Variants in KBTBD12 observed in about 807,000 individuals in gnomAD.
KBTBD12 encodes the protein kelch repeat and BTB domain containing 12.
A neutral mutation model predicts 58.7 loss-of-function variants in KBTBD12; 53 were observed. The observed-to-expected ratio is 0.90, with a 90% CI of 0.72 to 1.14. The LOEUF (loss-of-function observed/expected upper bound fraction) is 1.14. Among genes scored for constraint, KBTBD12 ranks in the 50% most tolerant of loss-of-function variants. The pLI, the probability that KBTBD12 is intolerant of heterozygous loss-of-function variation, is 0.00. For missense variants in KBTBD12, 704 were observed against 751.3 expected (o/e 0.94, Z 0.74); for synonymous variants, 236 against 259.8 (o/e 0.91, Z 0.88).
chr3:127,966,882 A>C (rs570924333), intron 5 of KBTBD12, among the ~76,000 whole-genome samples: 1 of 152,378 alleles, frequency 6.6e-6, no homozygotes, highest in South Asian at 2.1e-4. Context: ...ATAGTTTTAC[A>C]CAAAGTGCCA....
chr3:127,986,794 T>A lies in KBTBD12; in HGVS notation c.*2516T>A, dbSNP rs1360126602. The A allele has an allele frequency of 1.3e-5, 2 of 152,310 alleles. No individual in the cohort carries two copies. The highest frequency in any genetic ancestry group is 2.4e-5 in the African/African-American group (1 of 41,414). 9.4% of individuals were successfully genotyped at this position (152,310 alleles called of 1,614,324 possible). On this transcript the variant is annotated 3_prime_UTR_variant, in exon 6 of 6. Coordinates refer to ENST00000405109, the MANE Select transcript of KBTBD12 (RefSeq NM_207335.4). Reference sequence around the variant, plus strand: ...GAGCCCCTGCACCTGGCTGAGATGGTTCTTAATTTCCCATACCCTGTTGCT... The same window carrying A: ...GAGCCCCTGCACCTGGCTGAGATGGATCTTAATTTCCCATACCCTGTTGCT...
chr3:127,985,039 ACT>A lies in KBTBD12; in HGVS notation c.*764_*765del, dbSNP rs1452598134. ...TGGCCAAGAATCCTGCCCTGGGCTG[ACT>A]CTGTCCGGGACAGGGATGTGGGGTT... On this transcript the variant is annotated 3_prime_UTR_variant, in exon 6 of 6. Coordinates refer to ENST00000405109, the MANE Select transcript of KBTBD12 (RefSeq NM_207335.4). The A allele has an allele frequency of 6.6e-6, 1 of 152,308 alleles. No individual in the cohort carries two copies. Among genetic ancestry groups the A allele is most frequent in the East Asian group, 1.9e-4 (1 of 5,194 alleles). The allele number at this position is 152,308 out of a possible 1,614,324, so 9.4% of individuals were successfully genotyped here.
At chr3:127,964,694 T>C (rs1475985420) in intron 5 of KBTBD12, among the ~76,000 whole-genome samples, 3 of 151,442 alleles carry the variant, frequency 2.0e-5, no homozygotes, top group African/African-American at 7.3e-5. Flanking sequence ...AATGATATAC[T>C]GTCTGAAATT....
intron 4 of KBTBD12, among the ~76,000 whole-genome samples, chr3:127,946,889 G>A (rs1399359352): frequency 4.6e-5 from 7 of 151,958 alleles, no homozygotes; most frequent in Admixed American, 1.3e-4. Context: ...CCTGTCTTCC[G>A]TTGTATTCAG....
intron 4 of KBTBD12, among the ~76,000 whole-genome samples, chr3:127,950,097 C>A (rs994607891): frequency 2.0e-5 from 3 of 152,082 alleles, no homozygotes; most frequent in African/African-American, 7.2e-5. Context: ...ACTTTTATTA[C>A]TTTTTCAGTT....
At position 127,928,045 on chromosome 3, in the gene KBTBD12, T is replaced by G; in HGVS notation, c.1341+11T>G. 6.2e-7 allele frequency: 1 copy of G among 1,609,548 alleles called. No individual in the cohort carries two copies. The highest frequency in any genetic ancestry group is 8.5e-7 in the Non-Finnish European group (1 of 1,176,288). ...GGCTGGACCCCTCAGGTTAAGAAAT[T>G]TCCTGTATACATAATTGGCATGGCT... is the stretch of plus-strand genomic sequence containing the variant. On this transcript the variant is annotated intron_variant, in intron 3 of 5. Transcript: ENST00000405109.
intron 4 of KBTBD12, among the ~76,000 whole-genome samples, chr3:127,952,124 AT>A (rs1025908142): frequency 7.2e-5 from 11 of 152,334 alleles, no homozygotes; most frequent in African/African-American, 2.6e-4. Context: ...GGAAAATAAT[AT>A]TTTTTTGAAG....
intron 4 of KBTBD12, among the ~76,000 whole-genome samples, chr3:127,949,127 T>C (rs2107603071): frequency 6.6e-6 from 1 of 152,314 alleles, no homozygotes; most frequent in Non-Finnish European, 1.5e-5. Context: ...CATGCGATGA[T>C]TGCTACTTAC....
intron 4 of KBTBD12, among the ~76,000 whole-genome samples, chr3:127,941,705 A>G (rs187730004): frequency 2.8e-4 from 43 of 152,150 alleles, no homozygotes; most frequent in Middle Eastern, 3.4e-3. Context: ...GGTTCAAGCA[A>G]TTCTCCTCCC....
chr3:127,958,900 C>T (rs1940372756), intron 4 of KBTBD12, among the ~76,000 whole-genome samples: 1 of 152,186 alleles, frequency 6.6e-6, no homozygotes, highest in African/African-American at 2.4e-5. Context: ...CAGCCCTGTT[C>T]TGTGAGCCCA....
intron 4 of KBTBD12, among the ~76,000 whole-genome samples, chr3:127,935,256 G>A (rs1348990859): frequency 6.6e-6 from 1 of 152,100 alleles, no homozygotes; most frequent in Non-Finnish European, 1.5e-5. Context: ...AGCAGCAATT[G>A]TGATACTATA....
intron 4 of KBTBD12, among the ~76,000 whole-genome samples, chr3:127,947,913 G>C (rs1156816950): frequency 6.6e-6 from 1 of 152,114 alleles, no homozygotes; most frequent in Non-Finnish European, 1.5e-5. Context: ...AGTCCTTACT[G>C]TTTCTGCACC....
chr3:127,959,940 C>T (rs543375400), intron 4 of KBTBD12, among the ~76,000 whole-genome samples: 2 of 152,180 alleles, frequency 1.3e-5, no homozygotes, highest in African/African-American at 4.8e-5. Context: ...ACGTGGGTGC[C>T]GACAATAGTA....
chr3:127,923,176 G>A lies in KBTBD12; in HGVS notation c.115G>A (p.Gly39Arg), dbSNP rs1312946724. The A allele has an allele frequency of 2.5e-6, 4 of 1,613,680 alleles. No individual in the cohort carries two copies. In the South Asian group the frequency reaches 4.4e-5, roughly 18 times the overall value. ...EMIDVVLTAEGEKFPCHRLVL... is the reference protein window; with the variant it reads ...EMIDVVLTAEREKFPCHRLVL... ...GATTGATGTGGTACTCACAGCAGAA[G>A]GAGAGAAATTTCCTTGCCACAGACT... The change falls in exon 2 of 6, where the codon GGA becomes AGA. Residue 39 changes from glycine to arginine, a missense_variant. By Grantham distance (125) the Gly-to-Arg change is moderately radical. Transcript: ENST00000405109.
At chr3:127,963,641 C>G in intron 5 of KBTBD12, 1 of 307,588 alleles carries the variant, frequency 3.3e-6, no homozygotes, top group African/African-American at 2.8e-5. Flanking sequence ...CACACCTGGT[C>G]TCACCTGATC....
At chr3:127,920,825 A>G (rs950032182) in intron 1 of KBTBD12, among the ~76,000 whole-genome samples, 1 of 151,694 alleles carries the variant, frequency 6.6e-6, no homozygotes, top group African/African-American at 2.4e-5. Context: ...TTGCTACTCC[A>G]TTTTTCTCTA....
At chr3:127,956,364 T>A (rs567515369) in intron 4 of KBTBD12, among the ~76,000 whole-genome samples, 1 of 152,214 alleles carries the variant, frequency 6.6e-6, no homozygotes, top group South Asian at 2.1e-4. Context: ...GAGTTAAAAA[T>A]TACACTTTAT....
At chr3:127,921,143 T>A (rs553773911) in intron 1 of KBTBD12, among the ~76,000 whole-genome samples, 8 of 152,270 alleles carry the variant, frequency 5.3e-5, no homozygotes, top group African/African-American at 1.9e-4. Context: ...TGTACATGCA[T>A]GGCCTTATTT....
At chr3:127,967,977 A>G (rs1203409391) in intron 5 of KBTBD12, among the ~76,000 whole-genome samples, 1 of 152,232 alleles carries the variant, frequency 6.6e-6, no homozygotes, top group Non-Finnish European at 1.5e-5. Context: ...AGGCATGCTC[A>G]CTGGTCATTA....
Sources: gnomAD v4.1 joint callset for allele counts (sites outside exome capture counted in the v4.1 genomes callset) on GRCh38, gnomAD v4.1.1 for gene constraint, MANE v1.5 for transcripts, NCBI Gene and HGNC (gene_info 2026-07-23, HGNC 2026-07-21) for gene names.